RBFOX1: variants seen among roughly 807,000 people sequenced by gnomAD.
The protein encoded by RBFOX1 is RNA binding fox-1 homolog 1.
In RBFOX1, 8 loss-of-function variants were observed where a neutral mutation model predicts 57.7. The ratio of observed to expected loss-of-function variants is 0.14; its 90% confidence interval spans 0.08 to 0.25. The LOEUF is 0.25. RBFOX1 is among the 10% of genes least tolerant of loss of function. The pLI is 1.00. For synonymous variants in RBFOX1, 326 were observed against 222.4 expected, an observed-to-expected ratio of 1.47 and a Z score of -4.15; for missense variants, 611 against 548.5, an observed-to-expected ratio of 1.11 and a Z score of -1.14.
chr16:6,552,555 T>G (rs986758630), intron 2 of RBFOX1, among the ~76,000 whole-genome samples: 1 of 152,232 alleles, frequency 6.6e-6, no homozygotes, highest in Non-Finnish European at 1.5e-5. Flanking sequence ...CCCAGTGTTG[T>G]GTGCATTGAT....
intron 1 of RBFOX1, among the ~76,000 whole-genome samples, chr16:6,184,058 G>A (rs926481397): frequency 1.3e-5 from 2 of 152,184 alleles, no homozygotes; most frequent in African/African-American, 2.4e-5. Flanking sequence ...GTTTTACATG[G>A]TGGCAGGCAA....
intron 2 of RBFOX1, among the ~76,000 whole-genome samples, chr16:6,335,508 G>T (rs528627404): frequency 6.6e-6 from 1 of 152,140 alleles, no homozygotes; most frequent in Non-Finnish European, 1.5e-5. Context: ...GGCCGGGCGC[G>T]GTGGTTCACG....
At chr16:6,040,761 A>AT (rs1464937633) in intron 1 of RBFOX1, among the ~76,000 whole-genome samples, 2 of 151,772 alleles carry the variant, frequency 1.3e-5, no homozygotes, top group Non-Finnish European at 2.9e-5. Context: ...TGCCTGGCAA[A>AT]TTTTTTGTAT....
intron 14 of RBFOX1, among the ~76,000 whole-genome samples, chr16:7,700,753 C>T (rs773271642): frequency 2.6e-5 from 4 of 152,188 alleles, no homozygotes; most frequent in Admixed American, 6.5e-5. Context: ...CTTACTGTGT[C>T]TTCTCTACTC....
At position 7,284,184 on chromosome 16, in the gene RBFOX1, G is replaced by A. The variant is rs535860574; in HGVS notation, c.27+232086G>A. On this transcript the variant is annotated intron_variant, in intron 4 of 15. Transcript: ENST00000550418. ...CTATAGTTTATTCACTAGTTGAAGG[G>A]CGGTTGTGTTGTTTCCAGTTTTTGC... Among the ~76,000 whole-genome samples the A allele has an allele frequency of 1.6e-4, 24 of 152,318 alleles. No individual in the cohort carries two copies. In the East Asian group the frequency reaches 4.2e-3, roughly 27 times the overall value.
chr16:6,438,751 A>G (rs1372585611), intron 2 of RBFOX1, among the ~76,000 whole-genome samples: 1 of 152,124 alleles, frequency 6.6e-6, no homozygotes, highest in African/African-American at 2.4e-5. Flanking sequence ...CTCACCATGC[A>G]TATAAGCAAT....
intron 3 of RBFOX1, among the ~76,000 whole-genome samples, chr16:6,881,430 C>T (rs2062909463): frequency 1.3e-5 from 2 of 152,154 alleles, no homozygotes; most frequent in South Asian, 4.1e-4. Flanking sequence ...TTGGTTCCTT[C>T]TGAGGGCTGT....
At chr16:6,708,301 C>T (rs1450981221) in intron 3 of RBFOX1, among the ~76,000 whole-genome samples, 1 of 143,468 alleles carries the variant, frequency 7.0e-6, no homozygotes, top group Admixed American at 7.3e-5. Flanking sequence ...CACACACACA[C>T]ACACTCACAC....
rs1457521353 is a variant in RBFOX1 at position 5,444,560 on chromosome 16, G to A, written c.220-22656G>A. 4.6e-5 allele frequency among the ~76,000 whole-genome samples: 7 copies of A among 152,284 alleles called. No individual in the cohort carries two copies. In the South Asian group the frequency reaches 1.0e-3, roughly 23 times the overall value. ...GCGCCACCGATCGGCTGTAACCCGG[G>A]GAGGAGAATGGTACCTTCTCCCACA... On this transcript the variant is annotated intron_variant, in intron 1 of 2. Coordinates refer to the RBFOX1 transcript ENST00000585867.
chr16:5,747,738 T>A (rs576110580), intron 3 of RBFOX1, among the ~76,000 whole-genome samples: 1 of 152,314 alleles, frequency 6.6e-6, no homozygotes, highest in South Asian at 2.1e-4. Context: ...TTATCATTAT[T>A]TATTGTGTCT....
At chr16:6,348,314 A>G (rs2085717948) in intron 2 of RBFOX1, among the ~76,000 whole-genome samples, 1 of 152,186 alleles carries the variant, frequency 6.6e-6, no homozygotes, top group Admixed American at 6.5e-5. Context: ...TAAAAGAGAG[A>G]TGGTATAGAT....
intron 3 of RBFOX1, among the ~76,000 whole-genome samples, chr16:6,751,848 T>C (rs1193379479): frequency 6.6e-6 from 1 of 152,172 alleles, no homozygotes; most frequent in Non-Finnish European, 1.5e-5. Flanking sequence ...AGCTACAATC[T>C]TGGACTTACA....
intron 5 of RBFOX1, among the ~76,000 whole-genome samples, chr16:7,520,697 C>T (rs1290487646): frequency 6.6e-6 from 1 of 152,186 alleles, no homozygotes; most frequent in Middle Eastern, 3.2e-3. Context: ...TTTGCTGGTT[C>T]AGCAGGTGTT....
intron 2 of RBFOX1, among the ~76,000 whole-genome samples, chr16:6,363,496 T>A (rs1015382258): frequency 3.9e-5 from 6 of 152,232 alleles, no homozygotes; most frequent in African/African-American, 1.2e-4. Context: ...CTTATTTGTT[T>A]AAATAATTGC....
chr16:7,167,230 C>G (rs1310634106), intron 4 of RBFOX1, among the ~76,000 whole-genome samples: 1 of 151,730 alleles, frequency 6.6e-6, no homozygotes, highest in Non-Finnish European at 1.5e-5. Flanking sequence ...AAGTGATCTG[C>G]CAGCTTCTGC....
intron 4 of RBFOX1, chr16:7,332,646 C>T (rs2096713459): frequency 1.0e-5 from 5 of 499,834 alleles, no homozygotes; most frequent in Non-Finnish European, 1.4e-5. Flanking sequence ...TTCCCTCTGT[C>T]ACTTGGTCTC....
chr16:5,368,708 G>A (rs2065786824), intron 1 of RBFOX1, among the ~76,000 whole-genome samples: 1 of 152,142 alleles, frequency 6.6e-6, no homozygotes. Flanking sequence ...GGCAGGAGGG[G>A]CTGGCCCTTA....
chr16:5,907,500 T>G (rs1006496325), intron 4 of RBFOX1, among the ~76,000 whole-genome samples: 2 of 152,184 alleles, frequency 1.3e-5, no homozygotes, highest in African/African-American at 4.8e-5. Context: ...TCAGAGGGCT[T>G]GGGCCTATGG....
At chr16:6,735,774 T>A (rs2070064559) in intron 3 of RBFOX1, among the ~76,000 whole-genome samples, 1 of 152,182 alleles carries the variant, frequency 6.6e-6, no homozygotes, top group African/African-American at 2.4e-5. Flanking sequence ...GCATGGGTGG[T>A]GATCTGTGGT....
Sources: gnomAD v4.1 joint callset for allele counts (sites outside exome capture counted in the v4.1 genomes callset) on GRCh38, gnomAD v4.1.1 for gene constraint, MANE v1.5 for transcripts, NCBI Gene and HGNC (gene_info 2026-07-23, HGNC 2026-07-21) for gene names.